The following LRRC7 variants were observed in gnomAD, a reference collection of about 807,000 sequenced individuals.
LRRC7 encodes the protein leucine-rich repeat-containing protein 7.
A neutral mutation model predicts 175.7 loss-of-function variants in LRRC7; 23 were observed. That is an observed-to-expected ratio of 0.13 (90% CI 0.09 to 0.19). The LOEUF (loss-of-function observed/expected upper bound fraction) is 0.19. Ranked by LOEUF, LRRC7 falls within the 10% of genes least tolerant of loss-of-function variation. The probability of loss-of-function intolerance (pLI) is 1.00; values close to 1 mark genes in which losing one functional copy is unlikely to be tolerated. For missense variants in LRRC7, 1,354 were observed against 1,904.7 expected (o/e 0.71, Z 5.38); for synonymous variants, 685 against 680.9 (o/e 1.01, Z -0.09).
At chr1:70,050,099 A>C (rs1319808497) in intron 22 of LRRC7, among the ~76,000 whole-genome samples, 1 of 147,912 alleles carries the variant, frequency 6.8e-6, no homozygotes, top group Non-Finnish European at 1.5e-5. Flanking sequence ...TACTGTGCAC[A>C]CACATGTTTA....
At chr1:69,757,978 A>G (rs1288026832) in intron 2 of LRRC7, among the ~76,000 whole-genome samples, 1 of 151,904 alleles carries the variant, frequency 6.6e-6, no homozygotes, top group Non-Finnish European at 1.5e-5. Flanking sequence ...TGCTTCTTAA[A>G]TATCTTCCCA....
chr1:70,032,395 TAA>T (rs569370875), intron 18 of LRRC7, among the ~76,000 whole-genome samples: 1 of 145,256 alleles, frequency 6.9e-6, no homozygotes. Context: ...TTCTTTATCT[TAA>T]AAAAAAAAAG....
At chr1:70,086,130 T>C (rs909742853) in intron 24 of LRRC7, among the ~76,000 whole-genome samples, 2 of 151,916 alleles carry the variant, frequency 1.3e-5, no homozygotes, top group Admixed American at 6.6e-5. Flanking sequence ...TATTTATTTA[T>C]TTACTTATTT....
At chr1:69,798,181 A>T (rs1676029776) in intron 4 of LRRC7, among the ~76,000 whole-genome samples, 1 of 152,028 alleles carries the variant, frequency 6.6e-6, no homozygotes, top group Admixed American at 6.6e-5. Context: ...CGGCCTCCCA[A>T]AGTGCTGGGA....
chr1:69,793,842 A>T lies in LRRC7; in HGVS notation c.421+1682A>T, dbSNP rs150885206. Among the ~76,000 whole-genome samples, 649 of 152,254 alleles carry T rather than the reference A, an allele frequency of 4.3e-3. 1 individual carries two copies. Among genetic ancestry groups the T allele is most frequent in the Non-Finnish European group, 6.8e-3 (461 of 67,988 alleles). On this transcript the variant is annotated intron_variant, in intron 4 of 26. Transcript: ENST00000651989. Reference sequence around the variant, plus strand: ...TATTCAATGAATTCATAAATGAATGATTGTTCCAAAACATGGAAAACTTGT... The same window carrying T: ...TATTCAATGAATTCATAAATGAATGTTTGTTCCAAAACATGGAAAACTTGT...
At chr1:69,923,148 C>T (rs566821022) in intron 7 of LRRC7, among the ~76,000 whole-genome samples, 3 of 152,236 alleles carry the variant, frequency 2.0e-5, no homozygotes, top group South Asian at 2.1e-4. Context: ...GACATGAACT[C>T]TTCATTTTTT....
intron 4 of LRRC7, among the ~76,000 whole-genome samples, chr1:69,823,563 G>C (rs910070939): frequency 6.6e-6 from 1 of 151,938 alleles, no homozygotes; most frequent in Non-Finnish European, 1.5e-5. Context: ...GTGTGTGTGC[G>C]TACACGCACA....
At chr1:69,739,762 C>G (rs1008490168) in intron 2 of LRRC7, among the ~76,000 whole-genome samples, 2 of 152,022 alleles carry the variant, frequency 1.3e-5, no homozygotes, top group African/African-American at 2.4e-5. Context: ...GATACGAAGT[C>G]GTATTTTGCC....
At chr1:69,827,492 AG>A (rs1442191248) in intron 5 of LRRC7, among the ~76,000 whole-genome samples, 1 of 152,202 alleles carries the variant, frequency 6.6e-6, no homozygotes, top group Non-Finnish European at 1.5e-5. Flanking sequence ...AATTATGAAA[AG>A]TCAACATAAA....
At chr1:69,790,933 A>G (rs1274073520) in intron 3 of LRRC7, among the ~76,000 whole-genome samples, 1 of 152,002 alleles carries the variant, frequency 6.6e-6, no homozygotes, top group Non-Finnish European at 1.5e-5. Flanking sequence ...CAACCAGCCC[A>G]ATTTATTTTT....
At chr1:69,652,658 C>A (rs1656025181) in intron 1 of LRRC7, among the ~76,000 whole-genome samples, 1 of 151,822 alleles carries the variant, frequency 6.6e-6, no homozygotes, top group African/African-American at 2.4e-5. Flanking sequence ...CCCTATCTCC[C>A]ATGGAACCTC....
chr1:69,986,461 A>G (rs1653943248), intron 10 of LRRC7, 75 bp downstream of exon 10: 2 of 1,326,754 alleles, frequency 1.5e-6, no homozygotes, highest in Middle Eastern at 2.6e-4. Flanking sequence ...TAGTTTGTCT[A>G]TAGATATAGG....
intron 3 of LRRC7, among the ~76,000 whole-genome samples, chr1:69,775,116 C>T (rs1329843335): frequency 6.6e-6 from 1 of 152,108 alleles, no homozygotes; most frequent in Non-Finnish European, 1.5e-5. Context: ...TATAATAGCA[C>T]TTCCTTTTGA....
intron 1 of LRRC7, among the ~76,000 whole-genome samples, chr1:69,662,737 G>A (rs1030744880): frequency 1.3e-5 from 2 of 152,210 alleles, no homozygotes; most frequent in Non-Finnish European, 2.9e-5. Flanking sequence ...GTCATTTGCA[G>A]TTCAAATTGG....
At chr1:69,955,992 T>TA (rs1056966972) in intron 8 of LRRC7, among the ~76,000 whole-genome samples, 5 of 151,914 alleles carry the variant, frequency 3.3e-5, no homozygotes, top group African/African-American at 1.2e-4. Context: ...GTAAGACTAA[T>TA]AAAAAATACC....
chr1:69,671,765 G>T (rs2100575962), intron 1 of LRRC7, among the ~76,000 whole-genome samples: 1 of 152,214 alleles, frequency 6.6e-6, no homozygotes, highest in East Asian at 1.9e-4. Context: ...GCCTAGTTAT[G>T]CTTTCTGCTA....
chr1:70,099,816 C>T (rs1277660033), intron 25 of LRRC7, among the ~76,000 whole-genome samples: 1 of 152,048 alleles, frequency 6.6e-6, no homozygotes, highest in African/African-American at 2.4e-5. Context: ...CTGACTGGAT[C>T]AGTAAACTGT....
At chr1:69,696,962 G>A (rs185075865) in intron 2 of LRRC7, among the ~76,000 whole-genome samples, 4 of 152,192 alleles carry the variant, frequency 2.6e-5, no homozygotes, top group Admixed American at 2.6e-4. Flanking sequence ...GAATGCAAAT[G>A]GACTAACACA....
rs1666631993 is a variant in LRRC7, at chr1:70,130,776, T to A, written c.*8889T>A. Among the ~76,000 whole-genome samples, 1 of 152,158 alleles carries A rather than the reference T, an allele frequency of 6.6e-6. No homozygotes were observed. ...ACGTTACCTAAGCAATTTTTACAATTTGGATGTGGAGGGAAGAATAAAAGA... is the reference window on the plus strand; with the variant it reads ...ACGTTACCTAAGCAATTTTTACAATATGGATGTGGAGGGAAGAATAAAAGA... On this transcript the variant is annotated 3_prime_UTR_variant, in exon 27 of 27. Coordinates refer to ENST00000651989, the MANE Select transcript of LRRC7 (RefSeq NM_001370785.2).
Sources: allele counts gnomAD v4.1 joint callset (sites outside exome capture counted in the v4.1 genomes callset), GRCh38; gene constraint gnomAD v4.1.1; transcripts MANE v1.5; gene names NCBI Gene and HGNC (gene_info 2026-07-23, HGNC 2026-07-21).